Variants in IQSEC3 observed in about 807,000 individuals in gnomAD.
The protein encoded by IQSEC3 is IQ motif and Sec7 domain ArfGEF 3, also known as IQ motif and SEC7 domain-containing protein 3.
IQSEC3 carries 50 observed loss-of-function variants against 105.4 expected under a neutral mutation model. The observed-to-expected ratio is 0.47, with a 90% confidence interval of 0.38 to 0.60. The LOEUF (loss-of-function observed/expected upper bound fraction) is 0.60. Ranked by LOEUF, IQSEC3 falls within the 20% of genes least tolerant of loss-of-function variation. The pLI is 0.00. For synonymous variants in IQSEC3, 708 were observed against 746.0 expected, an observed-to-expected ratio of 0.95 and a Z score of 0.83; for missense variants, 1,415 against 1,630.0, an observed-to-expected ratio of 0.87 and a Z score of 2.27.
chr12:164,556 A>C (rs1555097600), intron 9 of IQSEC3: 1 of 152,150 alleles, frequency 6.6e-6, no homozygotes, highest in East Asian at 1.9e-4. Flanking sequence ...CTTTTCATTC[A>C]AGTCTCAAAT....
At chr12:100,805 A>G (rs1864399531) in intron 2 of IQSEC3, among the ~76,000 whole-genome samples, 2 of 152,156 alleles carry the variant, frequency 1.3e-5, no homozygotes, top group Admixed American at 6.5e-5. Flanking sequence ...TAGAAGGAAG[A>G]AGAGAAATGG....
At chr12:130,298 C>G (rs959102238) in intron 3 of IQSEC3, among the ~76,000 whole-genome samples, 3 of 152,256 alleles carry the variant, frequency 2.0e-5, no homozygotes, top group Admixed American at 1.3e-4. Context: ...CATGTGTTAT[C>G]TCCCCGGGTC....
At chr12:163,692 C>A (rs921056207) in intron 9 of IQSEC3, 73 bp downstream of exon 9, 4 of 889,994 alleles carry the variant, frequency 4.5e-6, no homozygotes, top group Non-Finnish European at 7.4e-6. Context: ...TGGGCAGGGT[C>A]CCTGAAGTGG....
At chr12:124,222 GCTAAAAATA>G (rs1471618401) in intron 2 of IQSEC3, among the ~76,000 whole-genome samples, 1 of 151,634 alleles carries the variant, frequency 6.6e-6, no homozygotes, top group Non-Finnish European at 1.5e-5. Context: ...CCCTGTCTCT[GCTAAAAATA>G]CAAAAAAATT....
chr12:116,701 G>A (rs1363917569), intron 2 of IQSEC3, among the ~76,000 whole-genome samples: 1 of 152,222 alleles, frequency 6.6e-6, no homozygotes, highest in East Asian at 1.9e-4. Context: ...CTGACCCTTT[G>A]GGATCTGCAA....
chr12:85,294 A>G lies in IQSEC3; in HGVS notation c.555-13852A>G, dbSNP rs539592024. ...AGCCTCAGAGCCTGGCAGAGGCCCA[A>G]TGGCTTTGATCCGTCCTTTCAAGCT... On this transcript the variant is annotated intron_variant, in intron 1 of 13. Coordinates refer to ENST00000538872, the MANE Select transcript of IQSEC3 (RefSeq NM_001170738.2). Among the ~76,000 whole-genome samples the G allele has an allele frequency of 5.9e-5, 9 of 152,296 alleles. No individual in the cohort carries two copies. In the South Asian group the frequency reaches 1.2e-3, roughly 21 times the overall value.
chr12:115,106 T>C (rs1201937988), intron 2 of IQSEC3, among the ~76,000 whole-genome samples: 1 of 152,168 alleles, frequency 6.6e-6, no homozygotes, highest in African/African-American at 2.4e-5. Context: ...CCCTGGTAAC[T>C]AGCTAAATGT....
At chr12:140,919 G>T in intron 4 of IQSEC3, 1 of 481,052 alleles carries the variant, frequency 2.1e-6, no homozygotes, top group Non-Finnish European at 3.6e-6. Flanking sequence ...CACTTTGTTT[G>T]CAGATCTCCC....
chr12:128,179 G>T (rs1865476892), intron 3 of IQSEC3, among the ~76,000 whole-genome samples: 1 of 152,054 alleles, frequency 6.6e-6, no homozygotes, highest in South Asian at 2.1e-4. Context: ...CCTGCACTGG[G>T]TGTCCCTCTC....
chr12:80,476 C>G (rs1863706232), intron 1 of IQSEC3, among the ~76,000 whole-genome samples: 1 of 152,226 alleles, frequency 6.6e-6, no homozygotes, highest in Non-Finnish European at 1.5e-5. Context: ...GCTGAGCACA[C>G]ACCAGTCCTT....
chr12:168,903 G>A (rs1938817369), intron 11 of IQSEC3, 110 bp from the exon 12 acceptor site: 1 of 894,066 alleles, frequency 1.1e-6, no homozygotes. Flanking sequence ...AGCATGTACT[G>A]GGACCTCTCC....
At chr12:118,814 C>T (rs1555081207) in intron 2 of IQSEC3, among the ~76,000 whole-genome samples, 2 of 152,208 alleles carry the variant, frequency 1.3e-5, no homozygotes, top group African/African-American at 4.8e-5. Flanking sequence ...CATAGCCCTT[C>T]AGTTGCTCCT....
rs74618680 is a variant in IQSEC3, at chr12:153,850, A to G, written c.2154-3175A>G. Among the ~76,000 whole-genome samples, 32 of 152,290 alleles carry G rather than the reference A, an allele frequency of 2.1e-4. No homozygotes were observed. In the East Asian group the frequency reaches 5.0e-3, roughly 24 times the overall value. ...CGCAGTGAGGCCTACCCTTGCACTC[A>G]GCTCAGTCTTTGGTTTCACAATTTA... On this transcript the variant is annotated intron_variant, in intron 5 of 13. Transcript: ENST00000538872.
intron 1 of IQSEC3, among the ~76,000 whole-genome samples, chr12:76,751 C>T (rs1210063319): frequency 2.0e-5 from 3 of 152,378 alleles, no homozygotes; most frequent in East Asian, 1.9e-4. Flanking sequence ...CTGAACTCTA[C>T]GGAGGTATAG....
chr12:128,736 T>C (rs1555084217), intron 3 of IQSEC3, among the ~76,000 whole-genome samples: 1 of 152,194 alleles, frequency 6.6e-6, no homozygotes, highest in African/African-American at 2.4e-5. Context: ...TCCTTCCTCT[T>C]GCCTGCACGC....
intron 11 of IQSEC3, among the ~76,000 whole-genome samples, chr12:168,570 G>A (rs1359679661): frequency 2.0e-5 from 3 of 149,038 alleles, no homozygotes; most frequent in Non-Finnish European, 4.4e-5. Context: ...AATACTTAAG[G>A]AGTACAGGTC....
intron 1 of IQSEC3, among the ~76,000 whole-genome samples, chr12:70,505 C>T (rs1863271658): frequency 6.6e-6 from 1 of 152,286 alleles, no homozygotes; most frequent in Non-Finnish European, 1.5e-5. Flanking sequence ...CTGACCCCCA[C>T]TGCTTTTGCC....
chr12:150,575 G>A (rs1243405354), intron 5 of IQSEC3, among the ~76,000 whole-genome samples: 1 of 152,214 alleles, frequency 6.6e-6, no homozygotes, highest in Non-Finnish European at 1.5e-5. Flanking sequence ...AAGCCAAGAA[G>A]ACGGTGTTTC....
chr12:71,979 G>T (rs1555067673), intron 1 of IQSEC3, among the ~76,000 whole-genome samples: 1 of 152,270 alleles, frequency 6.6e-6, no homozygotes, highest in Admixed American at 6.5e-5. Flanking sequence ...TTGCCTTCCT[G>T]AAGGCCTAGG....
Sources: allele counts gnomAD v4.1 joint callset (sites outside exome capture counted in the v4.1 genomes callset), GRCh38; gene constraint gnomAD v4.1.1; transcripts MANE v1.5; gene names NCBI Gene and HGNC (gene_info 2026-07-23, HGNC 2026-07-21).